LRRC43: variants seen among roughly 807,000 people sequenced by gnomAD.
The protein encoded by LRRC43 is leucine-rich repeat-containing protein 43.
Under a neutral mutation model 64.3 loss-of-function variants are expected in LRRC43, and 62 were observed. The observed-to-expected ratio is 0.96, with a 90% CI of 0.79 to 1.19. LRRC43 has a LOEUF of 1.19. Among genes scored for constraint, LRRC43 ranks in the 50% most tolerant of loss-of-function variants. LRRC43 has a pLI of 0.00. For synonymous variants in LRRC43, 422 were observed against 382.3 expected, an observed-to-expected ratio of 1.10 and a Z score of -1.21; for missense variants, 868 against 845.0, an observed-to-expected ratio of 1.03 and a Z score of -0.34.
At chr12:122,175,834 T>G (rs1953533048) in intron 1 of LRRC43, among the ~76,000 whole-genome samples, 1 of 151,750 alleles carries the variant, frequency 6.6e-6, no homozygotes, top group Non-Finnish European at 1.5e-5. Flanking sequence ...GCCGGGCTAA[T>G]TTTTGTATTT....
At chr12:122,190,946 C>T (rs752799148) in intron 5 of LRRC43, among the ~76,000 whole-genome samples, 1 of 151,704 alleles carries the variant, frequency 6.6e-6, no homozygotes, top group Non-Finnish European at 1.5e-5. Flanking sequence ...TCTAGCCTGG[C>T]GACAGAGCGA....
rs547204734 is a variant in LRRC43 at position 122,203,186 on chromosome 12, C to T, written c.1844-129C>T. ...TAATTTTATTTCTTATTACTGTTAA[C>T]ACCCGAGGACCAAAACTGTGCTCCC... On this transcript the variant is annotated intron_variant, in intron 11 of 11. Transcript: ENST00000339777. The T allele has an allele frequency of 3.0e-5, 26 of 862,026 alleles. No homozygotes were observed. The South Asian group carries it at 3.2e-4, about 11-fold the overall frequency. 53.4% of individuals were successfully genotyped at this position (862,026 alleles called of 1,614,324 possible).
At chr12:122,187,218 G>A (rs1363362998) in intron 3 of LRRC43, among the ~76,000 whole-genome samples, 3 of 152,020 alleles carry the variant, frequency 2.0e-5, no homozygotes, top group Non-Finnish European at 2.9e-5. Flanking sequence ...GCAACAGAGC[G>A]AGACTCCACC....
chr12:122,176,518 G>GTTTTT (rs1211726541), intron 1 of LRRC43, among the ~76,000 whole-genome samples: 2 of 112,420 alleles, frequency 1.8e-5, no homozygotes, highest in African/African-American at 3.6e-5. Flanking sequence ...TTTCTTAATT[G>GTTTTT]TTTTGTCTTT....
rs1244992998 is a variant in LRRC43, at chr12:122,200,574, CT to C, written c.1535del (p.Leu512ArgfsTer34). On this transcript the variant is annotated frameshift_variant, in exon 9 of 12. Transcript: ENST00000339777. LOFTEE classifies it high-confidence loss of function. This position sits in a 1 kb window ranked among gnomAD's most constrained non-coding sequence, Gnocchi z 4.6. Reference protein sequence around the residue: ...PVVLPAVDSPLSAKKGKGEKD... With the variant: ...PVVLPAVDSPXSAKKGKGEKD... ...GGTGCTACCTGCTGTTGACAGTCCCCTGTCTGCCAAGAAAGGAAAGGGGGAG... is the reference window on the plus strand; with the variant it reads ...GGTGCTACCTGCTGTTGACAGTCCCCGTCTGCCAAGAAAGGAAAGGGGGAG... 9 of 1,551,826 alleles carry C rather than the reference CT, an allele frequency of 5.8e-6. No individual in the cohort carries two copies. The highest frequency in any genetic ancestry group is 8.0e-6 in the Non-Finnish European group (9 of 1,123,648).
chr12:122,193,807 G>T (rs1021190885), intron 7 of LRRC43, among the ~76,000 whole-genome samples: 1 of 152,150 alleles, frequency 6.6e-6, no homozygotes, highest in Non-Finnish European at 1.5e-5. Flanking sequence ...TGATCTGCCC[G>T]CCTCAGCCTC....
Position 122,200,903 on chromosome 12 carries a change from C to A in LRRC43, c.1778C>A (p.Thr593Lys). Residue 593 changes from threonine (T) to lysine (K), a missense_variant, in exon 10 of 12, where the codon ACA becomes AAA. Coordinates refer to ENST00000339777, the MANE Select transcript of LRRC43 (RefSeq NM_001098519.2). This position sits in a 1 kb window ranked among gnomAD's most constrained non-coding sequence, Gnocchi z 4.6. The part of the protein sequence containing the change: ...STVCNFGVVR[T>K]LTSDRLTLAR... Reference sequence around the variant, plus strand: ...GTGTGCAACTTCGGCGTGGTCCGCACATTGACATCTGACAGGCTGACGTTG... The same window carrying A: ...GTGTGCAACTTCGGCGTGGTCCGCAAATTGACATCTGACAGGCTGACGTTG... 1 of 1,609,708 alleles carries A rather than the reference C, an allele frequency of 6.2e-7. No homozygotes were observed. Among genetic ancestry groups the A allele is most frequent in the Non-Finnish European group, 8.5e-7 (1 of 1,178,254 alleles).
At chr12:122,170,067 A>G (rs1185912470) in intron 1 of LRRC43, among the ~76,000 whole-genome samples, 1 of 152,110 alleles carries the variant, frequency 6.6e-6, no homozygotes, top group Non-Finnish European at 1.5e-5. Context: ...TCAGCCTCCC[A>G]AAGTGCTGGG....
intron 2 of LRRC43, 78 bp from the exon 3 acceptor site, chr12:122,186,112 C>T: frequency 1.3e-6 from 1 of 788,588 alleles, no homozygotes; most frequent in South Asian, 1.5e-5. Flanking sequence ...GAGCCGCTGT[C>T]TTCCTAATGT....
In LRRC43 at chr12:122,187,829, C is replaced by G. The variant is rs771002440; in HGVS notation, c.651C>G (p.Thr217=). 3.7e-6 allele frequency: 6 copies of G among 1,613,932 alleles called. No individual in the cohort carries two copies. In the Admixed American group the frequency reaches 1.0e-4, roughly 27 times the overall value. The change falls in exon 4 of 12, where the codon ACC becomes ACG. Residue 217 remains threonine (T), a synonymous_variant. Coordinates refer to ENST00000339777, the MANE Select transcript of LRRC43 (RefSeq NM_001098519.2). ...LLGPLESLYV[T]ANHWPNLVSL... is the part of the protein sequence containing the mutation. ...GCCCCTTGGAAAGTCTCTACGTCAC[C>G]GCTAATCACTGGTAACTCGGGAGCC...
chr12:122,182,353 G>A (rs1953588973), upstream of LRRC43, among the ~76,000 whole-genome samples: 1 of 151,954 alleles, frequency 6.6e-6, no homozygotes, highest in Non-Finnish European at 1.5e-5. Context: ...GTGAAACCCC[G>A]TCTCTACTAA....
At chr12:122,179,019 C>T (rs1181695396), upstream of LRRC43, among the ~76,000 whole-genome samples, 1 of 152,192 alleles carries the variant, frequency 6.6e-6, no homozygotes, top group Admixed American at 6.6e-5. Flanking sequence ...CGAAGAGGAT[C>T]ACAGGCCTCA....
rs1953866997 is a variant in LRRC43 at position 122,203,365 on chromosome 12, C to T, written c.1894C>T (p.Pro632Ser). ...CTACGAAGGCGATTACCACCCTGAG[C>T]CCCTGACCGTAGAGGTGCAGATCCA... ...PIYEGDYHPE[P>S]LTVEVQIQLN... Residue 632 changes from proline to serine, a missense_variant, in exon 12 of 12, where the codon CCC (proline) becomes TCC (serine). Physicochemically the swap from Pro to Ser is moderately conservative, Grantham distance 74 (BLOSUM62 -1). Coordinates refer to ENST00000339777, the MANE Select transcript of LRRC43 (RefSeq NM_001098519.2). 1 of 1,613,430 alleles carries T rather than the reference C, an allele frequency of 6.2e-7. No homozygotes were observed. Among genetic ancestry groups the T allele is most frequent in the Non-Finnish European group, 8.5e-7 (1 of 1,179,946 alleles).
intron 1 of LRRC43, chr12:122,172,824 C>T (rs945184693): frequency 3.5e-5 from 37 of 1,057,852 alleles, no homozygotes; most frequent in South Asian, 1.3e-4. Flanking sequence ...ATGCTTCCTC[C>T]GTAACCCGCC....
At chr12:122,185,503 G>A (rs1953633287) in intron 2 of LRRC43, among the ~76,000 whole-genome samples, 1 of 152,150 alleles carries the variant, frequency 6.6e-6, no homozygotes, top group African/African-American at 2.4e-5. Flanking sequence ...AAACAAGAGT[G>A]AGACTCTGTC....
upstream of LRRC43, chr12:122,182,954 C>A: frequency 1.1e-6 from 1 of 891,254 alleles, no homozygotes; most frequent in Non-Finnish European, 1.6e-6. Flanking sequence ...CCTGCGGGAG[C>A]TGCCGCACTT....
At chr12:122,186,846 G>T (rs2136035271) in intron 3 of LRRC43, among the ~76,000 whole-genome samples, 1 of 152,308 alleles carries the variant, frequency 6.6e-6, no homozygotes, top group Non-Finnish European at 1.5e-5. Flanking sequence ...TTGAACCCAG[G>T]AGGCAAGGGT....
At chr12:122,187,917 G>C in intron 4 of LRRC43, 77 bp downstream of exon 4, 2 of 1,490,534 alleles carry the variant, frequency 1.3e-6, no homozygotes, top group African/African-American at 1.4e-5. Context: ...CCAGTGGCTT[G>C]AGAACTCAGC....
intron 1 of LRRC43, 43 bp downstream of exon 1, chr12:122,183,337 G>A (rs1953603244): frequency 1.4e-6 from 2 of 1,407,144 alleles, no homozygotes; most frequent in African/African-American, 1.5e-5. Flanking sequence ...TGGACCGGCT[G>A]CGGGGAGGCA....
Sources: gnomAD v4.1 joint callset for allele counts (sites outside exome capture counted in the v4.1 genomes callset) on GRCh38, gnomAD v4.1.1 for gene constraint, Gnocchi (gnomAD v3.1) non-coding constraint, MANE v1.5 for transcripts, NCBI Gene and HGNC (gene_info 2026-07-23, HGNC 2026-07-21) for gene names.